Variants in TAF3 observed in about 807,000 individuals in gnomAD.
TAF3 encodes the protein transcription initiation factor TFIID subunit 3.
In TAF3, 7 loss-of-function variants were observed where a neutral mutation model predicts 80.6. That is an observed-to-expected ratio of 0.09 (90% confidence interval 0.05 to 0.16). The LOEUF (loss-of-function observed/expected upper bound fraction) is 0.16. TAF3 is among the 10% of genes least tolerant of loss of function. The pLI is 1.00. For missense variants in TAF3, 921 were observed against 1,140.2 expected, an observed-to-expected ratio of 0.81 and a Z score of 2.77; for synonymous variants, 444 against 446.1, an observed-to-expected ratio of 1.00 and a Z score of 0.06.
chr10:7,965,950 A>C (rs1178011832), intron 3 of TAF3, among the ~76,000 whole-genome samples: 1 of 152,222 alleles, frequency 6.6e-6, no homozygotes, highest in Non-Finnish European at 1.5e-5. Context: ...CAGATGTTAA[A>C]AATTCATAGC....
intron 2 of TAF3, among the ~76,000 whole-genome samples, chr10:7,894,456 C>T (rs1201969788): frequency 6.6e-6 from 1 of 152,316 alleles, no homozygotes; most frequent in East Asian, 1.9e-4. Context: ...TCCATGTCTT[C>T]ATCCTAGCAA....
chr10:7,921,786 T>A (rs7076015), intron 2 of TAF3, among the ~76,000 whole-genome samples: 29,843 of 152,052 alleles, frequency 0.2, 3,040 homozygotes, highest in East Asian at 0.3. Flanking sequence ...AGTTGAATAT[T>A]GTAGAAGAAA....
chr10:7,837,951 G>C (rs1356948326), intron 2 of TAF3, among the ~76,000 whole-genome samples: 1 of 152,198 alleles, frequency 6.6e-6, no homozygotes, highest in Non-Finnish European at 1.5e-5. Flanking sequence ...CTAAAATAAT[G>C]TTTGTGTATG....
chr10:7,979,630 T>C (rs1831706417), intron 4 of TAF3, among the ~76,000 whole-genome samples: 1 of 152,210 alleles, frequency 6.6e-6, no homozygotes, highest in Non-Finnish European at 1.5e-5. Context: ...TGCCATGTTA[T>C]ATGAAGGATT....
intron 2 of TAF3, among the ~76,000 whole-genome samples, chr10:7,890,416 G>A (rs1000718733): frequency 1.3e-5 from 2 of 152,218 alleles, no homozygotes; most frequent in African/African-American, 4.8e-5. Context: ...CATCATAGTA[G>A]AGTAGAAGCC....
chr10:7,963,123 GGCTCACATCAAGCAA>G (rs1237217743), intron 2 of TAF3, among the ~76,000 whole-genome samples: 4 of 152,072 alleles, frequency 2.6e-5, no homozygotes, highest in African/African-American at 9.7e-5. Context: ...CTCTCCAAGT[GGCTCACATCAAGCAA>G]GCAAAATAGA....
chr10:7,858,132 A>G (rs1342006059), intron 2 of TAF3, among the ~76,000 whole-genome samples: 2 of 152,160 alleles, frequency 1.3e-5, no homozygotes, highest in East Asian at 1.9e-4. Context: ...ATCCCATAGT[A>G]AAAGAACTAT....
chr10:7,897,956 C>T (rs1323506928), intron 2 of TAF3, among the ~76,000 whole-genome samples: 5 of 152,114 alleles, frequency 3.3e-5, no homozygotes, highest in South Asian at 2.1e-4. Context: ...CCACCACACC[C>T]GGTCCCTATT....
chr10:7,982,126 G>A (rs1043814433), intron 4 of TAF3, among the ~76,000 whole-genome samples: 7 of 152,256 alleles, frequency 4.6e-5, no homozygotes, highest in East Asian at 3.9e-4. Flanking sequence ...ATTCTTTAGA[G>A]AAATAATAGT....
chr10:7,864,681 T>C (rs1385773418), intron 2 of TAF3, among the ~76,000 whole-genome samples: 1 of 152,222 alleles, frequency 6.6e-6, no homozygotes, highest in Non-Finnish European at 1.5e-5. Context: ...CTGTGAAAGT[T>C]CTTTACCTAT....
rs1225015600 is a variant in TAF3, at chr10:7,901,646, G to A, written c.410-62274G>A. Reference sequence around the variant, plus strand: ...AGACTCACTGTGAGGTGTGCATTGAGCACAGTTATTTTGTGTATTTAGTGT... The same window carrying A: ...AGACTCACTGTGAGGTGTGCATTGAACACAGTTATTTTGTGTATTTAGTGT... On this transcript the variant is annotated intron_variant, in intron 2 of 6. Coordinates refer to ENST00000344293, the MANE Select transcript of TAF3 (RefSeq NM_031923.4). Among the ~76,000 whole-genome samples, 15 of 152,260 alleles carry A rather than the reference G, an allele frequency of 9.9e-5. No homozygotes were observed. In the South Asian group the frequency reaches 3.1e-3, roughly 32 times the overall value.
At chr10:7,892,868 AG>A (rs1837469283) in intron 2 of TAF3, among the ~76,000 whole-genome samples, 1 of 137,396 alleles carries the variant, frequency 7.3e-6, no homozygotes, top group Non-Finnish European at 1.5e-5. Flanking sequence ...CCCAGGCTGG[AG>A]TGCAATGGCG....
At chr10:7,877,028 C>CT (rs34794475) in intron 2 of TAF3, among the ~76,000 whole-genome samples, 50,500 of 145,252 alleles carry the variant, frequency 0.35, 9,226 homozygotes, top group Admixed American at 0.46. Flanking sequence ...CTGCTCACTA[C>CT]TTTTTTTTTT....
chr10:7,921,361 A>C (rs1291173775), intron 2 of TAF3, among the ~76,000 whole-genome samples: 1 of 152,098 alleles, frequency 6.6e-6, no homozygotes, highest in East Asian at 1.9e-4. Context: ...CTTTTTAGTC[A>C]TCTATTACTT....
chr10:7,818,608 GC>G lies in TAF3; in HGVS notation c.-100del. The G allele has an allele frequency of 7.5e-7, 1 of 1,336,964 alleles. No homozygotes were observed. The highest frequency in any genetic ancestry group is 2.9e-5 in the East Asian group (1 of 34,436). 82.8% of individuals were successfully genotyped at this position (1,336,964 alleles called of 1,614,324 possible). A position where few individuals can be genotyped will look rare whatever the true frequency, so the allele number is the denominator to read the frequency against. On this transcript the variant is annotated 5_prime_UTR_variant, in exon 1 of 7. Transcript: ENST00000344293. Reference sequence around the variant, plus strand: ...CGGGGGTCCGGGGGACCCTTTCCCCGCCGCGGAAGCCCTAGAGGATGAATCG... The same window carrying G: ...CGGGGGTCCGGGGGACCCTTTCCCCGCGCGGAAGCCCTAGAGGATGAATCG...
intron 2 of TAF3, among the ~76,000 whole-genome samples, chr10:7,847,823 A>G (rs1258638980): frequency 1.3e-5 from 2 of 152,014 alleles, no homozygotes; most frequent in South Asian, 2.1e-4. Flanking sequence ...GCTGGAGTGC[A>G]CTGGTGCAAT....
intron 2 of TAF3, among the ~76,000 whole-genome samples, chr10:7,893,321 A>G (rs1159246262): frequency 1.3e-5 from 2 of 152,216 alleles, no homozygotes; most frequent in Admixed American, 6.5e-5. Flanking sequence ...CAAGCCTAAT[A>G]GAGAAACTTT....
At chr10:7,867,040 C>T (rs532668478) in intron 2 of TAF3, among the ~76,000 whole-genome samples, 2 of 152,142 alleles carry the variant, frequency 1.3e-5, no homozygotes, top group Non-Finnish European at 2.9e-5. Flanking sequence ...AGGCGGATCA[C>T]CTGAGGTCAG....
intron 2 of TAF3, among the ~76,000 whole-genome samples, chr10:7,936,843 C>T (rs565057913): frequency 6.6e-6 from 1 of 152,232 alleles, no homozygotes; most frequent in South Asian, 2.1e-4. Flanking sequence ...CTTCATCCCT[C>T]CCTCCCTGTA....
Sources: allele counts gnomAD v4.1 joint callset (sites outside exome capture counted in the v4.1 genomes callset), GRCh38; gene constraint gnomAD v4.1.1; transcripts MANE v1.5; gene names NCBI Gene and HGNC (gene_info 2026-07-23, HGNC 2026-07-21).